Variants in PPP3CB observed in about 807,000 individuals in gnomAD.
PPP3CB encodes protein phosphatase 3 catalytic subunit beta.
Under a neutral mutation model 66.4 loss-of-function variants are expected in PPP3CB, and 8 were observed. The ratio of observed to expected loss-of-function variants is 0.12; its 90% CI spans 0.07 to 0.22. The LOEUF (loss-of-function observed/expected upper bound fraction) is 0.22. Ranked by LOEUF, PPP3CB falls within the 10% of genes least tolerant of loss-of-function variation. The pLI is 1.00. For synonymous variants in PPP3CB, 208 were observed against 221.2 expected, an observed-to-expected ratio of 0.94 and a Z score of 0.53; for missense variants, 319 against 642.5, an observed-to-expected ratio of 0.50 and a Z score of 5.44.
chr10:73,460,265 CAAAAA>C (rs11447229), intron 9 of PPP3CB, among the ~76,000 whole-genome samples: 3 of 35,816 alleles, frequency 8.4e-5, no homozygotes, highest in African/African-American at 9.5e-5. Flanking sequence ...AAAGTAATAG[CAAAAA>C]AAAAAAAAAA....
chr10:73,495,742 C>A (rs981488685), intron 1 of PPP3CB, 63 bp downstream of exon 1: 2 of 1,529,110 alleles, frequency 1.3e-6, no homozygotes, highest in South Asian at 1.1e-5. Flanking sequence ...GACGGTCTCC[C>A]GCCCGCCCTC....
At chr10:73,492,804 T>A (rs2057099672) in intron 1 of PPP3CB, among the ~76,000 whole-genome samples, 1 of 152,116 alleles carries the variant, frequency 6.6e-6, no homozygotes, top group African/African-American at 2.4e-5. Context: ...GACAAGCTCA[T>A]CACATTTACT....
At chr10:73,485,941 TGTGTGTGTGTA>T (rs1299796597) in intron 1 of PPP3CB, among the ~76,000 whole-genome samples, 8 of 141,430 alleles carry the variant, frequency 5.7e-5, no homozygotes, top group African/African-American at 1.6e-4. Flanking sequence ...TGTGTGTGTG[TGTGTGTGTGTA>T]TTTTTTTTTT....
At chr10:73,447,814 G>A (rs1174984975) in intron 10 of PPP3CB, among the ~76,000 whole-genome samples, 1 of 151,848 alleles carries the variant, frequency 6.6e-6, no homozygotes, top group Non-Finnish European at 1.5e-5. Flanking sequence ...TATGAGCACT[G>A]AAGCTACAGC....
chr10:73,436,683 T>C lies in PPP3CB; in HGVS notation c.*1559A>G, dbSNP rs932688740. On this transcript the variant is annotated 3_prime_UTR_variant, in exon 14 of 14. Transcript: ENST00000360663. ...TTTATAAAGAATTTAATTAATCAAA[T>C]TACCATGAACTATCCACGAGATAAT... The C allele has an allele frequency of 2.0e-5, 3 of 152,164 alleles. No homozygotes were observed. The highest frequency in any genetic ancestry group is 7.2e-5 in the African/African-American group (3 of 41,436). 9.4% of individuals were successfully genotyped at this position (152,164 alleles called of 1,614,324 possible). A position where few individuals can be genotyped will look rare whatever the true frequency, so the allele number is the denominator to read the frequency against.
chr10:73,494,233 CA>C (rs1189762454), intron 1 of PPP3CB, among the ~76,000 whole-genome samples: 16 of 152,054 alleles, frequency 1.1e-4, no homozygotes, highest in African/African-American at 3.9e-4. Flanking sequence ...ATGCCTGGCC[CA>C]ACTGGATATA....
At chr10:73,457,737 CAA>C (rs200840556) in intron 9 of PPP3CB, among the ~76,000 whole-genome samples, 41 of 87,744 alleles carry the variant, frequency 4.7e-4, no homozygotes, top group Non-Finnish European at 6.5e-4. Context: ...GACCCTGTCT[CAA>C]AAAAAAAAAA....
chr10:73,462,516 T>C (rs2056539714), intron 9 of PPP3CB, among the ~76,000 whole-genome samples: 1 of 151,944 alleles, frequency 6.6e-6, no homozygotes, highest in Non-Finnish European at 1.5e-5. Flanking sequence ...ACTGTGGCTG[T>C]AGGAATGGAG....
At chr10:73,487,569 A>C (rs983531322) in intron 1 of PPP3CB, among the ~76,000 whole-genome samples, 5 of 149,786 alleles carry the variant, frequency 3.3e-5, no homozygotes, top group African/African-American at 5.0e-5. Context: ...AAAACCAAAA[A>C]AAAAAAAAAA....
chr10:73,491,074 A>G (rs1589722691), intron 1 of PPP3CB, among the ~76,000 whole-genome samples: 1 of 115,698 alleles, frequency 8.6e-6, no homozygotes, highest in East Asian at 2.9e-4. Context: ...TCTGTCGCCC[A>G]GGCTGGAGTG....
chr10:73,481,190 T>C (rs2056871351), intron 1 of PPP3CB, among the ~76,000 whole-genome samples: 1 of 140,256 alleles, frequency 7.1e-6, no homozygotes, highest in South Asian at 2.2e-4. Flanking sequence ...TTTAGAAAAA[T>C]AGGCCGGGTG....
chr10:73,439,760 T>TCA, intron 13 of PPP3CB, 112 bp downstream of exon 13: 12 of 1,153,304 alleles, frequency 1.0e-5, no homozygotes, highest in Non-Finnish European at 1.5e-5. Flanking sequence ...AATCAGTGAG[T>TCA]CTGATTCATC....
intron 1 of PPP3CB, 50 bp from the exon 2 acceptor site, chr10:73,479,567 C>T (rs1230355572): frequency 5.2e-6 from 8 of 1,527,824 alleles, no homozygotes; most frequent in Non-Finnish European, 7.2e-6. Flanking sequence ...AATACATTAA[C>T]TTAAAAACTA....
At chr10:73,457,315 T>C (rs1269158285) in intron 9 of PPP3CB, among the ~76,000 whole-genome samples, 2 of 143,520 alleles carry the variant, frequency 1.4e-5, no homozygotes, top group African/African-American at 5.2e-5. Flanking sequence ...GACATGCCTG[T>C]AGTCCTACCT....
chr10:73,495,836 CGGCGGG>C lies in PPP3CB; in HGVS notation c.48_53del (p.Pro20_Pro21del), dbSNP rs958182449. On this transcript the variant is annotated inframe_deletion, in exon 1 of 14. Coordinates refer to ENST00000360663, the MANE Select transcript of PPP3CB (RefSeq NM_021132.4). ...CGACGCGGTCAGCCCCGGGAGGGGG[CGGCGGG>C]GGCGGGGGTGGGGGCGGTGCAGCCC... The C allele has an allele frequency of 2.1e-5, 14 of 669,450 alleles. No individual in the cohort carries two copies. Among genetic ancestry groups the C allele is most frequent in the Non-Finnish European group, 3.1e-5 (14 of 444,594 alleles). The allele number at this position is 669,450 out of a possible 1,614,324, so 41.5% of individuals were successfully genotyped here.
At chr10:73,461,048 G>A (rs558986570) in intron 9 of PPP3CB, among the ~76,000 whole-genome samples, 9 of 152,332 alleles carry the variant, frequency 5.9e-5, no homozygotes, top group East Asian at 5.8e-4. Context: ...CAGAGCCACC[G>A]GCAGCTTGCA....
At chr10:73,483,388 C>G (rs917942467) in intron 1 of PPP3CB, among the ~76,000 whole-genome samples, 1 of 152,220 alleles carries the variant, frequency 6.6e-6, no homozygotes, top group Non-Finnish European at 1.5e-5. Flanking sequence ...GGCGCAGAGG[C>G]TCACCCCTAT....
intron 1 of PPP3CB, among the ~76,000 whole-genome samples, chr10:73,484,566 A>G (rs1406698865): frequency 6.7e-6 from 1 of 149,966 alleles, no homozygotes; most frequent in African/African-American, 2.4e-5. Context: ...GCCACTGCGC[A>G]AGGCCTATTT....
intron 9 of PPP3CB, among the ~76,000 whole-genome samples, chr10:73,465,240 C>A (rs1280624186): frequency 1.3e-5 from 2 of 152,048 alleles, no homozygotes; most frequent in Admixed American, 1.3e-4. Context: ...TCTTTAGAGA[C>A]AGGGTTTTGC....
Sources: gnomAD v4.1 joint callset for allele counts (sites outside exome capture counted in the v4.1 genomes callset) on GRCh38, gnomAD v4.1.1 for gene constraint, MANE v1.5 for transcripts, NCBI Gene and HGNC (gene_info 2026-07-23, HGNC 2026-07-21) for gene names.